Variants in NOL4 observed in about 807,000 individuals in gnomAD.
NOL4 encodes the protein nucleolar protein 4.
NOL4 carries 17 observed loss-of-function variants against 75.9 expected under a neutral mutation model. That is an observed-to-expected ratio of 0.22 (90% CI 0.15 to 0.34). NOL4 has a LOEUF of 0.34. NOL4 is among the 10% of genes least tolerant of loss of function. The pLI, the probability that NOL4 is intolerant of heterozygous loss-of-function variation, is 1.00. For missense variants in NOL4, 614 were observed against 793.5 expected, an observed-to-expected ratio of 0.77 and a Z score of 2.72; for synonymous variants, 292 against 289.9, an observed-to-expected ratio of 1.01 and a Z score of -0.07.
intron 1 of NOL4, among the ~76,000 whole-genome samples, chr18:34,140,116 G>A (rs1226455516): frequency 2.0e-5 from 3 of 152,156 alleles, no homozygotes; most frequent in African/African-American, 7.2e-5. Context: ...GTCAATTTTG[G>A]AATAAGTGTG....
chr18:33,896,269 A>G (rs1047288731), intron 9 of NOL4, among the ~76,000 whole-genome samples: 2 of 152,120 alleles, frequency 1.3e-5, no homozygotes, highest in African/African-American at 4.8e-5. Context: ...TCTAATTACC[A>G]ATGACATTCT....
At chr18:33,939,268 T>C (rs950761796) in intron 9 of NOL4, among the ~76,000 whole-genome samples, 1 of 152,172 alleles carries the variant, frequency 6.6e-6, no homozygotes, top group African/African-American at 2.4e-5. Context: ...GGGCTCTTTT[T>C]TGGTTCCATA....
intron 7 of NOL4, among the ~76,000 whole-genome samples, chr18:33,957,750 G>A (rs1340602676): frequency 1.3e-5 from 2 of 152,066 alleles, no homozygotes; most frequent in African/African-American, 4.8e-5. Context: ...CAAACATACA[G>A]AAAAGAATAG....
chr18:34,223,301 C>G lies in NOL4; in HGVS notation c.-48G>C. 1.3e-6 allele frequency: 2 copies of G among 1,597,940 alleles called. No homozygotes were observed. Among genetic ancestry groups the G allele is most frequent in the South Asian group, 2.2e-5 (2 of 89,750 alleles). On this transcript the variant is annotated 5_prime_UTR_variant, in exon 1 of 11. Coordinates refer to ENST00000261592, the MANE Select transcript of NOL4 (RefSeq NM_003787.5). ...CCGGATGCTCCCAGCGCACTTCGCA[C>G]CTGTTCACCCTAGGCTCATGAAAAA...
intron 2 of NOL4, among the ~76,000 whole-genome samples, chr18:34,119,202 A>C (rs1028951852): frequency 6.6e-6 from 1 of 152,170 alleles, no homozygotes; most frequent in Non-Finnish European, 1.5e-5. Flanking sequence ...ATCTCTCAAA[A>C]ATTTTTGCTT....
intron 9 of NOL4, among the ~76,000 whole-genome samples, chr18:33,890,256 A>G (rs1240061503): frequency 6.6e-6 from 1 of 152,202 alleles, no homozygotes; most frequent in East Asian, 1.9e-4. Flanking sequence ...CCAAATCATG[A>G]GTGAACTCTC....
chr18:33,934,861 CGTT>C lies in NOL4; in HGVS notation c.1542+8201_1542+8203del, dbSNP rs1478784914. Among the ~76,000 whole-genome samples the C allele has an allele frequency of 5.3e-3, 755 of 141,470 alleles. 12 individuals are homozygous for C. The highest frequency in any genetic ancestry group is 0.019 in the African/African-American group (722 of 37,604). The allele number at this position is 141,470 out of a possible 152,430, so 92.8% of individuals were successfully genotyped here. A position where few individuals can be genotyped will look rare whatever the true frequency, so the allele number is the denominator to read the frequency against. On this transcript the variant is annotated intron_variant, in intron 9 of 10. Coordinates refer to ENST00000261592, the MANE Select transcript of NOL4 (RefSeq NM_003787.5). ...CATTCTTGTGTTCACTGGAGTAGCA[CGTT>C]TTTTTTTTTTTTTTTTTTGATACAG...
chr18:33,987,973 C>G (rs1261753491), intron 6 of NOL4, among the ~76,000 whole-genome samples: 4 of 152,006 alleles, frequency 2.6e-5, no homozygotes, highest in Non-Finnish European at 5.9e-5. Context: ...CTTTCCTAAC[C>G]AAAGAAGAAA....
At chr18:33,871,588 C>A (rs2063703028) in intron 10 of NOL4, among the ~76,000 whole-genome samples, 1 of 151,920 alleles carries the variant, frequency 6.6e-6, no homozygotes, top group South Asian at 2.1e-4. Context: ...CCGTAATGAG[C>A]CCATGTCACC....
intron 1 of NOL4, among the ~76,000 whole-genome samples, chr18:34,210,869 G>A (rs2036463629): frequency 6.6e-6 from 1 of 152,150 alleles, no homozygotes; most frequent in Non-Finnish European, 1.5e-5. Context: ...TTTTACATTA[G>A]AGCACCATTT....
At chr18:34,164,783 C>T (rs1281122076) in intron 1 of NOL4, among the ~76,000 whole-genome samples, 2 of 151,766 alleles carry the variant, frequency 1.3e-5, no homozygotes, top group Non-Finnish European at 2.9e-5. Flanking sequence ...TATAAAGACA[C>T]ATGCACACGT....
chr18:33,899,149 T>G (rs1035962983), intron 9 of NOL4, among the ~76,000 whole-genome samples: 2 of 152,082 alleles, frequency 1.3e-5, no homozygotes, highest in Non-Finnish European at 2.9e-5. Context: ...CAAGTAACAA[T>G]GTTGTGTTGA....
chr18:34,182,149 AAAC>A (rs1282159986), intron 1 of NOL4, among the ~76,000 whole-genome samples: 3 of 151,662 alleles, frequency 2.0e-5, no homozygotes, highest in African/African-American at 7.2e-5. Flanking sequence ...TGAAAAATGG[AAAC>A]AACTCAAACT....
rs368159499 is a variant in NOL4, at chr18:34,099,854, A to G, written c.639+4193T>C. ...ATGTGAGTAATTCTCTTTTTCCCTT[A>G]CTGTCTTCTACCCATGCCCCTATAT... is the stretch of plus-strand genomic sequence containing the variant. On this transcript the variant is annotated intron_variant, in intron 4 of 10. Transcript: ENST00000261592. Among the ~76,000 whole-genome samples the G allele has an allele frequency of 2.4e-4, 36 of 152,068 alleles. 1 individual carries two copies. In the South Asian group the frequency reaches 3.7e-3, roughly 16 times the overall value.
intron 6 of NOL4, among the ~76,000 whole-genome samples, chr18:33,986,721 A>T (rs956728392): frequency 6.6e-6 from 1 of 152,148 alleles, no homozygotes; most frequent in Non-Finnish European, 1.5e-5. Flanking sequence ...GGCATTTTTA[A>T]AAAATGTAAC....
At chr18:34,127,830 A>G (rs1302004690) in intron 2 of NOL4, among the ~76,000 whole-genome samples, 1 of 151,894 alleles carries the variant, frequency 6.6e-6, no homozygotes, top group Non-Finnish European at 1.5e-5. Flanking sequence ...TCAGAGGGAA[A>G]AAGTTTAGGC....
intron 5 of NOL4, among the ~76,000 whole-genome samples, chr18:34,024,195 A>ATT (rs2075225795): frequency 3.6e-5 from 3 of 83,606 alleles, no homozygotes; most frequent in African/African-American, 1.4e-4. Flanking sequence ...AAAAAAAAAA[A>ATT]TATATATATA....
chr18:34,000,287 G>A lies in NOL4; in HGVS notation c.1056+19031C>T, dbSNP rs916122441. ...GCTCAGAGTGGGAAGCCAGTCAAAA[G>A]GCCTATAAAACACAACCTTCTCTTT... is the stretch of plus-strand genomic sequence containing the variant. On this transcript the variant is annotated intron_variant, in intron 6 of 10. Coordinates refer to ENST00000261592, the MANE Select transcript of NOL4 (RefSeq NM_003787.5). Among the ~76,000 whole-genome samples, 18 of 152,044 alleles carry A rather than the reference G, an allele frequency of 1.2e-4. No individual in the cohort carries two copies. In the East Asian group the frequency reaches 2.5e-3, roughly 21 times the overall value.
At chr18:33,867,999 A>C (rs192932510) in intron 10 of NOL4, among the ~76,000 whole-genome samples, 1 of 151,206 alleles carries the variant, frequency 6.6e-6, no homozygotes. Flanking sequence ...GTCCACCTAC[A>C]TTAGGGAGGG....
Sources: allele counts gnomAD v4.1 joint callset (sites outside exome capture counted in the v4.1 genomes callset), GRCh38; gene constraint gnomAD v4.1.1; transcripts MANE v1.5; gene names NCBI Gene and HGNC (gene_info 2026-07-23, HGNC 2026-07-21).